CDIN1: variants seen among roughly 807,000 people sequenced by gnomAD.
The protein encoded by CDIN1 is CDAN1-interacting nuclease 1.
In CDIN1, 33 loss-of-function variants were observed where a neutral mutation model predicts 45.3. That is an observed-to-expected ratio of 0.73 (90% CI 0.55 to 0.97). CDIN1 has a LOEUF of 0.97. Among genes scored for constraint, CDIN1 ranks in the 50% least tolerant of loss-of-function variants. CDIN1 has a pLI of 0.00. For synonymous variants in CDIN1, 118 were observed against 124.4 expected (o/e 0.95, Z 0.34); for missense variants, 303 against 339.4 (o/e 0.89, Z 0.84).
chr15:36,666,862 A>G (rs574928809), intron 5 of CDIN1, among the ~76,000 whole-genome samples: 4 of 152,334 alleles, frequency 2.6e-5, no homozygotes, highest in African/African-American at 7.2e-5. Flanking sequence ...TTGACACTTA[A>G]TATGCACATA....
intron 1 of CDIN1, among the ~76,000 whole-genome samples, chr15:36,608,719 A>G (rs889736509): frequency 5.3e-5 from 8 of 152,080 alleles, no homozygotes; most frequent in African/African-American, 1.7e-4. Context: ...TAACCTTTCT[A>G]TGAGGAGAAT....
chr15:36,784,856 T>G (rs1387122040), intron 10 of CDIN1, among the ~76,000 whole-genome samples: 1 of 152,164 alleles, frequency 6.6e-6, no homozygotes, highest in African/African-American at 2.4e-5. Flanking sequence ...TTGCTAGAAA[T>G]AGGCTGGAAT....
In CDIN1 at chr15:36,795,710, T is replaced by G. The variant is rs553261314; in HGVS notation, c.717-12614T>G. 4.3e-4 allele frequency among the ~76,000 whole-genome samples: 65 copies of G among 151,846 alleles called. No homozygotes were observed. The East Asian group carries it at 0.011, about 26-fold the overall frequency. Reference sequence around the variant, plus strand: ...GTTTTTATTTATTTTTATTATTATTTATTATTTTTATTTATATAGTCTCAC... The same window carrying G: ...GTTTTTATTTATTTTTATTATTATTGATTATTTTTATTTATATAGTCTCAC... On this transcript the variant is annotated intron_variant, in intron 10 of 10. Transcript: ENST00000566621.
At position 36,659,884 on chromosome 15, in the gene CDIN1, A is replaced by T. The variant is rs1288616854; in HGVS notation, c.346+1979A>T. Among the ~76,000 whole-genome samples the T allele has an allele frequency of 4.6e-5, 7 of 151,832 alleles. No individual in the cohort carries two copies. The East Asian group carries it at 1.3e-3, about 29-fold the overall frequency. On this transcript the variant is annotated intron_variant, in intron 5 of 10. Transcript: ENST00000566621. ...TGTTAAAATTAATGCCAGGTTATAGAAGTCAATTAATTTGCTGATGGTGCT... is the reference window on the plus strand; with the variant it reads ...TGTTAAAATTAATGCCAGGTTATAGTAGTCAATTAATTTGCTGATGGTGCT...
At chr15:36,691,336 T>C (rs1335769192) in intron 5 of CDIN1, 1 of 276,874 alleles carries the variant, frequency 3.6e-6, no homozygotes, top group Non-Finnish European at 6.9e-6. Context: ...TGCTTGGTTA[T>C]AAAATAACTA....
chr15:36,665,125 T>G (rs548676908), intron 5 of CDIN1, among the ~76,000 whole-genome samples: 1 of 152,340 alleles, frequency 6.6e-6, no homozygotes, highest in Admixed American at 6.5e-5. Context: ...TATCTTTGGT[T>G]AGGCATTTTC....
At chr15:36,642,032 T>C (rs2040130925) in intron 1 of CDIN1, 1 of 152,216 alleles carries the variant, frequency 6.6e-6, no homozygotes, top group African/African-American at 2.4e-5. Context: ...GGTGGGACAG[T>C]ACAGTGGGCG....
intron 10 of CDIN1, among the ~76,000 whole-genome samples, chr15:36,774,161 T>A (rs140789916): frequency 2.0e-5 from 1 of 50,622 alleles, no homozygotes; most frequent in Non-Finnish European, 6.7e-5. Flanking sequence ...TGTGTGTGTG[T>A]GTGCGCGCGC....
chr15:36,741,800 CCT>C (rs1197116927), intron 10 of CDIN1, among the ~76,000 whole-genome samples: 6 of 152,100 alleles, frequency 3.9e-5, no homozygotes, highest in African/African-American at 1.4e-4. Flanking sequence ...ACCCTAATGA[CCT>C]CATTGTAACT....
chr15:36,609,523 G>A (rs1173379620), intron 1 of CDIN1, among the ~76,000 whole-genome samples: 1 of 152,162 alleles, frequency 6.6e-6, no homozygotes, highest in African/African-American at 2.4e-5. Context: ...GCACTTTAAA[G>A]GGGGGACCGA....
At chr15:36,713,050 G>A (rs944974198) in intron 10 of CDIN1, among the ~76,000 whole-genome samples, 1 of 152,148 alleles carries the variant, frequency 6.6e-6, no homozygotes, top group African/African-American at 2.4e-5. Context: ...ATACTGAGAT[G>A]ATGACTTATA....
In CDIN1 at chr15:36,637,746, A is replaced by G. The variant is rs373430228; in HGVS notation, c.102-6532A>G. Among the ~76,000 whole-genome samples, 23 of 152,326 alleles carry G rather than the reference A, an allele frequency of 1.5e-4. No individual in the cohort carries two copies. The East Asian group carries it at 2.9e-3, about 19-fold the overall frequency. ...TCATTCGATAGAATATAAGTGATGAAAATGAATTAACTACACTTAAATTAA... is the reference window on the plus strand; with the variant it reads ...TCATTCGATAGAATATAAGTGATGAGAATGAATTAACTACACTTAAATTAA... On this transcript the variant is annotated intron_variant, in intron 1 of 10. Transcript: ENST00000566621.
intron 10 of CDIN1, among the ~76,000 whole-genome samples, chr15:36,758,108 C>T (rs1163978738): frequency 6.6e-6 from 1 of 151,742 alleles, no homozygotes; most frequent in Non-Finnish European, 1.5e-5. Flanking sequence ...GAATGTATCC[C>T]CACTGGGTAC....
At chr15:36,597,135 A>T (rs1443317299) in intron 1 of CDIN1, among the ~76,000 whole-genome samples, 1 of 152,340 alleles carries the variant, frequency 6.6e-6, no homozygotes, top group East Asian at 1.9e-4. Flanking sequence ...TGCCTATGAC[A>T]GAGTTATTTT....
At chr15:36,581,336 G>C (rs190246351) in intron 1 of CDIN1, among the ~76,000 whole-genome samples, 1 of 150,824 alleles carries the variant, frequency 6.6e-6, no homozygotes, top group Non-Finnish European at 1.5e-5. Flanking sequence ...TCTCTTTTTC[G>C]TTCTTTTCTC....
chr15:36,726,755 C>T (rs759832859), intron 10 of CDIN1, among the ~76,000 whole-genome samples: 2 of 152,116 alleles, frequency 1.3e-5, no homozygotes, highest in Non-Finnish European at 2.9e-5. Flanking sequence ...ACAGCAAATC[C>T]ATTTGAAATG....
In CDIN1 at chr15:36,709,292, A is replaced by G; in HGVS notation, c.610+4A>G. ...TTCATTTTACAAGTACCAGTTGGTA[A>G]GTTCTTTAACTCTGTTATGCATTTG... On this transcript the variant is annotated splice_donor_region_variant and intron_variant, in intron 9 of 10. Transcript: ENST00000566621. 6.2e-7 allele frequency: 1 copy of G among 1,600,974 alleles called. No homozygotes were observed. The highest frequency in any genetic ancestry group is 8.5e-7 in the Non-Finnish European group (1 of 1,173,128).
At chr15:36,748,741 G>A (rs773609763) in intron 10 of CDIN1, among the ~76,000 whole-genome samples, 2 of 152,142 alleles carry the variant, frequency 1.3e-5, no homozygotes, top group Admixed American at 6.6e-5. Context: ...AAGCAAAAGT[G>A]CATTTACTAG....
At chr15:36,797,643 C>T (rs886728271) in intron 10 of CDIN1, among the ~76,000 whole-genome samples, 8 of 148,760 alleles carry the variant, frequency 5.4e-5, no homozygotes, top group Non-Finnish European at 8.9e-5. Context: ...CAGAAGTGTA[C>T]AACTTGGACA....
Sources: gnomAD v4.1 joint callset for allele counts (sites outside exome capture counted in the v4.1 genomes callset) on GRCh38, gnomAD v4.1.1 for gene constraint, MANE v1.5 for transcripts, NCBI Gene and HGNC (gene_info 2026-07-23, HGNC 2026-07-21) for gene names.